Variants in PIK3C2A observed in about 807,000 individuals in gnomAD.
The protein encoded by PIK3C2A is phosphatidylinositol 4-phosphate 3-kinase C2 domain-containing subunit alpha.
Under a neutral mutation model 204.5 loss-of-function variants are expected in PIK3C2A, and 97 were observed. The observed-to-expected ratio is 0.47, with a 90% CI of 0.40 to 0.56. PIK3C2A has a LOEUF of 0.56. Among genes scored for constraint, PIK3C2A ranks in the 20% least tolerant of loss-of-function variants. PIK3C2A has a pLI of 0.00. For synonymous variants in PIK3C2A, 653 were observed against 664.4 expected (o/e 0.98, Z 0.26); for missense variants, 1,735 against 1,969.2 (o/e 0.88, Z 2.25).
chr11:17,132,851 C>G (rs1387957056), intron 11 of PIK3C2A, among the ~76,000 whole-genome samples: 1 of 152,132 alleles, frequency 6.6e-6, no homozygotes, highest in Non-Finnish European at 1.5e-5. Context: ...TTTATGGGGA[C>G]AGATGCTATT....
rs546277367 is a variant in PIK3C2A, at chr11:17,088,846, T to A, written c.*892A>T. 6.6e-6 allele frequency: 1 copy of A among 152,348 alleles called. No individual in the cohort carries two copies. Among genetic ancestry groups the A allele is most frequent in the East Asian group, 1.9e-4 (1 of 5,186 alleles). The allele number at this position is 152,348 out of a possible 1,614,324, so 9.4% of individuals were successfully genotyped here. Reference sequence around the variant, plus strand: ...GAGTATAGATGTAGGGAGGTGAAATTACCATTCCTGGGAATAAATGTAGGA... The same window carrying A: ...GAGTATAGATGTAGGGAGGTGAAATAACCATTCCTGGGAATAAATGTAGGA... On this transcript the variant is annotated 3_prime_UTR_variant, in exon 33 of 33. Coordinates refer to ENST00000691414, the MANE Select transcript of PIK3C2A (RefSeq NM_002645.4).
intron 24 of PIK3C2A, among the ~76,000 whole-genome samples, chr11:17,102,197 G>T (rs1848657027): frequency 6.6e-6 from 1 of 152,124 alleles, no homozygotes; most frequent in Non-Finnish European, 1.5e-5. Context: ...AGCACTTTGG[G>T]AGGCCGAGGC....
chr11:17,113,173 G>A (rs796574873), intron 20 of PIK3C2A, among the ~76,000 whole-genome samples: 2 of 151,962 alleles, frequency 1.3e-5, no homozygotes, highest in Non-Finnish European at 1.5e-5. Flanking sequence ...CACCACACCC[G>A]GCTAATTTAG....
chr11:17,100,033 C>T lies in PIK3C2A; in HGVS notation c.4009-64G>A. On this transcript the variant is annotated intron_variant, in intron 25 of 32. Transcript: ENST00000691414. ...TTAAAACATTTGTTCCTCACTCCTTCCTGTGGGCTGCTCAAGTAATCAGAA... is the reference window on the plus strand; with the variant it reads ...TTAAAACATTTGTTCCTCACTCCTTTCTGTGGGCTGCTCAAGTAATCAGAA... The T allele has an allele frequency of 3.9e-6, 3 of 777,172 alleles. 1 individual carries two copies. Among genetic ancestry groups the T allele is most frequent in the East Asian group, 4.9e-5 (2 of 40,698 alleles). The allele number at this position is 777,172 out of a possible 1,614,324, so 48.1% of individuals were successfully genotyped here.
chr11:17,192,647 A>G (rs2137554960), intron 1 of PIK3C2A, among the ~76,000 whole-genome samples: 1 of 152,258 alleles, frequency 6.6e-6, no homozygotes, highest in South Asian at 2.1e-4. Context: ...GGGTTTCACC[A>G]TGTTAGCCAG....
intron 1 of PIK3C2A, among the ~76,000 whole-genome samples, chr11:17,182,105 A>C (rs1405069503): frequency 2.0e-5 from 3 of 152,118 alleles, no homozygotes; most frequent in African/African-American, 7.2e-5. Flanking sequence ...AAAAAAAAAA[A>C]AAAGTTAGAA....
chr11:17,194,801 CG>C, intron 1 of PIK3C2A, among the ~76,000 whole-genome samples: 1 of 151,708 alleles, frequency 6.6e-6, no homozygotes, highest in South Asian at 2.1e-4. Context: ...CCCAGCTACT[CG>C]GGAGTCTGAG....
chr11:17,146,125 T>C (rs548391714), intron 6 of PIK3C2A, among the ~76,000 whole-genome samples, 183 bp from the exon 7 acceptor site: 1 of 152,242 alleles, frequency 6.6e-6, no homozygotes. Context: ...TGAGTCAACA[T>C]CCTGAAAAAA....
Position 17,114,423 on chromosome 11 carries a change from G to GA in PIK3C2A, c.3258dup (p.Gln1087SerfsTer4), listed in dbSNP as rs1294671436. On this transcript the variant is annotated frameshift_variant, in exon 20 of 33. Transcript: ENST00000691414. LOFTEE classifies it high-confidence loss of function. Reference sequence around the variant, plus strand: ...AGAGGGAGACGGCATTTATTTTTCTGAAAAAAGGACTGTACTCGTTCCATA... The same window carrying GA: ...AGAGGGAGACGGCATTTATTTTTCTGAAAAAAAGGACTGTACTCGTTCCATA... 1.9e-6 allele frequency: 3 copies of GA among 1,594,170 alleles called. No individual in the cohort carries two copies. Among genetic ancestry groups the GA allele is most frequent in the Non-Finnish European group, 2.6e-6 (3 of 1,162,426 alleles).
rs1430315735 is a variant in PIK3C2A at position 17,134,980 on chromosome 11, A to G, written c.1947T>C (p.Thr649=). ...GTCTGAGAAGATCATAAATTGCTGC[A>G]GTTAATTGGTTTATGCTTACTTGAA... is the stretch of plus-strand genomic sequence containing the variant. ...NPVQVSINQL[T]AAIYDLLRLH... The change falls in exon 11 of 33, where the codon ACT becomes ACC. Residue 649 remains threonine (T), a synonymous_variant. Coordinates refer to ENST00000691414, the MANE Select transcript of PIK3C2A (RefSeq NM_002645.4). 1 of 1,614,070 alleles carries G rather than the reference A, an allele frequency of 6.2e-7. No individual in the cohort carries two copies. Among genetic ancestry groups the G allele is most frequent in the African/African-American group, 1.3e-5 (1 of 74,932 alleles).
intron 27 of PIK3C2A, among the ~76,000 whole-genome samples, chr11:17,095,807 C>T (rs11821773): frequency 0.58 from 87,585 of 150,960 alleles, 25,738 homozygotes; most frequent in East Asian, 0.82. Flanking sequence ...CCCAGCTAGC[C>T]ATTCAGGAGC....
At chr11:17,114,108 T>TAAAC (rs1379564396) in intron 20 of PIK3C2A, among the ~76,000 whole-genome samples, 1 of 150,812 alleles carries the variant, frequency 6.6e-6, no homozygotes, top group African/African-American at 2.4e-5. Flanking sequence ...AATAAATAAA[T>TAAAC]AAATAAAAAG....
rs532573805 is a variant in PIK3C2A at position 17,112,596 on chromosome 11, T to G, written c.3392A>C (p.Glu1131Ala). The G allele has an allele frequency of 4.6e-6, 7 of 1,530,868 alleles. No homozygotes were observed. The South Asian group carries it at 7.4e-5, about 16-fold the overall frequency. 94.8% of individuals were successfully genotyped at this position (1,530,868 alleles called of 1,614,324 possible). A position where few individuals can be genotyped will look rare whatever the true frequency, so the allele number is the denominator to read the frequency against. Residue 1131 changes from glutamate (E) to alanine (A), a missense_variant, in exon 21 of 33, where the codon GAA becomes GCA. Transcript: ENST00000691414. ...CACCTTAAACATGACATTAATTTCT[T>G]CTCCCATAGGGTCAGCATTCACCAT... ...VTMVNADPMG[E>A]EINVMFKVGE...
chr11:17,111,903 T>TC (rs1445066394), intron 21 of PIK3C2A, among the ~76,000 whole-genome samples: 4 of 117,292 alleles, frequency 3.4e-5, no homozygotes, highest in African/African-American at 1.3e-4. Flanking sequence ...AAAAAAAAAT[T>TC]CAAAAAAAAA....
intron 24 of PIK3C2A, among the ~76,000 whole-genome samples, chr11:17,102,184 C>T (rs1848656345): frequency 6.6e-6 from 1 of 152,112 alleles, no homozygotes; most frequent in Admixed American, 6.6e-5. Flanking sequence ...CGCCTGTAAT[C>T]CCAGCACTTT....
chr11:17,199,581 G>GATT (rs1852292063), intron 1 of PIK3C2A, among the ~76,000 whole-genome samples: 1 of 152,178 alleles, frequency 6.6e-6, no homozygotes, highest in Admixed American at 6.6e-5. Flanking sequence ...ACATAAGTCA[G>GATT]ACACAAAAGG....
chr11:17,188,065 T>C (rs974451697), intron 1 of PIK3C2A, among the ~76,000 whole-genome samples: 1 of 152,130 alleles, frequency 6.6e-6, no homozygotes, highest in African/African-American at 2.4e-5. Flanking sequence ...GGGCCAGGCA[T>C]GGTGGCTCAC....
intron 1 of PIK3C2A, among the ~76,000 whole-genome samples, chr11:17,193,002 T>C (rs1851993546): frequency 8.4e-6 from 1 of 119,370 alleles, no homozygotes; most frequent in African/African-American, 2.7e-5. Context: ...CACAATGTCA[T>C]AATTGTGGGA....
Position 17,099,948 on chromosome 11 carries a change from C to A in PIK3C2A, c.4030G>T (p.Glu1344Ter). The A allele has an allele frequency of 6.4e-7, 1 of 1,567,434 alleles. No individual in the cohort carries two copies. Among genetic ancestry groups the A allele is most frequent in the South Asian group, 1.1e-5 (1 of 89,514 alleles). The change falls in exon 26 of 33, where the codon GAA becomes TAA. Residue 1344 changes from glutamate to a stop codon, truncating the protein, a stop_gained. Transcript: ENST00000691414. LOFTEE classifies it high-confidence loss of function. The part of the protein sequence containing the change: ...LSLMIPSGLP[E>*]LTSIQDLKYV... ...TTCAAATCTTGAATACTTGTAAGTT[C>A]TGGTAACCCTGAAGGAATCATCTGT...
Sources: allele counts gnomAD v4.1 joint callset (sites outside exome capture counted in the v4.1 genomes callset), GRCh38; gene constraint gnomAD v4.1.1; transcripts MANE v1.5; gene names NCBI Gene and HGNC (gene_info 2026-07-23, HGNC 2026-07-21).